Variants in KIF16B observed in about 807,000 individuals in gnomAD.
KIF16B encodes kinesin family member 16B.
In KIF16B, 98 loss-of-function variants were observed where a neutral mutation model predicts 156.3. The observed-to-expected ratio is 0.63, with a 90% CI of 0.53 to 0.74. The LOEUF is 0.74. Ranked by LOEUF, KIF16B falls within the 30% of genes least tolerant of loss-of-function variation. KIF16B has a pLI of 0.00. For missense variants in KIF16B, 1,421 were observed against 1,606.5 expected (o/e 0.88, Z 1.97); for synonymous variants, 564 against 583.7 (o/e 0.97, Z 0.49).
At chr20:16,364,462 A>C (rs952859154) in intron 22 of KIF16B, among the ~76,000 whole-genome samples, 1 of 152,184 alleles carries the variant, frequency 6.6e-6, no homozygotes, top group Non-Finnish European at 1.5e-5. Flanking sequence ...TCGTTATAGC[A>C]GGCTGAATAC....
intron 24 of KIF16B, among the ~76,000 whole-genome samples, chr20:16,332,096 G>A (rs1440731834): frequency 1.3e-5 from 2 of 152,156 alleles, no homozygotes; most frequent in African/African-American, 4.8e-5. Context: ...GATCTAGAAT[G>A]ACAGGCTACT....
Position 16,502,553 on chromosome 20 carries a change from G to A in KIF16B, c.1176+1819C>T, listed in dbSNP as rs561531781. On this transcript the variant is annotated intron_variant, in intron 10 of 25. Coordinates refer to ENST00000354981, the MANE Select transcript of KIF16B (RefSeq NM_024704.5). ...TTATATCCTCACCCCCAAAATTACA[G>A]CAACAAAAATACTCCCTTAAACACA... 2.0e-5 allele frequency among the ~76,000 whole-genome samples: 3 copies of A among 151,882 alleles called. No homozygotes were observed. The South Asian group carries it at 6.2e-4, about 32-fold the overall frequency.
At chr20:16,286,021 G>A (rs1601491554) in intron 25 of KIF16B, among the ~76,000 whole-genome samples, 1 of 152,296 alleles carries the variant, frequency 6.6e-6, no homozygotes, top group Middle Eastern at 3.4e-3. Context: ...CATTATTAAT[G>A]AACACGTAGG....
chr20:16,570,797 T>C (rs2071423566), intron 1 of KIF16B, among the ~76,000 whole-genome samples: 1 of 152,204 alleles, frequency 6.6e-6, no homozygotes, highest in Non-Finnish European at 1.5e-5. Flanking sequence ...GCTGTGCTGG[T>C]TCTCCTTTAC....
chr20:16,535,547 T>A (rs1347429495), intron 1 of KIF16B, among the ~76,000 whole-genome samples: 1 of 152,184 alleles, frequency 6.6e-6, no homozygotes, highest in Non-Finnish European at 1.5e-5. Context: ...GTGGTAAAAG[T>A]GGGTATCCTT....
intron 25 of KIF16B, among the ~76,000 whole-genome samples, chr20:16,274,054 C>T (rs1383934470): frequency 6.8e-6 from 1 of 147,718 alleles, no homozygotes; most frequent in African/African-American, 2.5e-5. Context: ...CTCCCAGTTA[C>T]TCATTAAATA....
At chr20:16,407,297 T>C (rs147989091) in intron 15 of KIF16B, among the ~76,000 whole-genome samples, 186 of 152,254 alleles carry the variant, frequency 1.2e-3, no homozygotes, top group African/African-American at 4.4e-3. Flanking sequence ...AGGTTCACTG[T>C]GTCTTCTGAA....
At chr20:16,286,293 T>C (rs1035926662) in intron 25 of KIF16B, among the ~76,000 whole-genome samples, 2 of 152,176 alleles carry the variant, frequency 1.3e-5, no homozygotes, top group African/African-American at 4.8e-5. Context: ...GGTCGAAGGG[T>C]ATGTGCCTTT....
At chr20:16,432,105 A>G (rs1051266445) in intron 12 of KIF16B, among the ~76,000 whole-genome samples, 16 of 152,098 alleles carry the variant, frequency 1.1e-4, no homozygotes, top group Non-Finnish European at 2.4e-4. Context: ...AGAGAATGGT[A>G]GGCCTTATCT....
intron 10 of KIF16B, among the ~76,000 whole-genome samples, chr20:16,502,365 T>C (rs1362817671): frequency 6.6e-6 from 1 of 152,184 alleles, no homozygotes; most frequent in East Asian, 1.9e-4. Flanking sequence ...TTTATTAAGC[T>C]TCATAAATTT....
At chr20:16,288,039 A>G (rs1160314131) in intron 25 of KIF16B, among the ~76,000 whole-genome samples, 1 of 152,206 alleles carries the variant, frequency 6.6e-6, no homozygotes, top group Non-Finnish European at 1.5e-5. Flanking sequence ...GTTTGAATCT[A>G]CATAAATGTT....
At chr20:16,537,705 T>G (rs2070029910) in intron 1 of KIF16B, among the ~76,000 whole-genome samples, 1 of 58,994 alleles carries the variant, frequency 1.7e-5, no homozygotes. Flanking sequence ...CTTTTTTTCG[T>G]TTTTTTTTTT....
At chr20:16,505,607 T>C in intron 9 of KIF16B, 115 bp downstream of exon 9, 1 of 912,558 alleles carries the variant, frequency 1.1e-6, no homozygotes, top group South Asian at 1.8e-5. Context: ...GAAAAACCAT[T>C]ACTTTTTTAA....
intron 24 of KIF16B, among the ~76,000 whole-genome samples, chr20:16,324,592 C>A (rs1043861839): frequency 6.6e-6 from 1 of 151,968 alleles, no homozygotes; most frequent in Non-Finnish European, 1.5e-5. Flanking sequence ...CATTTCTTCT[C>A]CACTGTCTAG....
chr20:16,429,994 A>T lies in KIF16B; in HGVS notation c.1303-12T>A. 4.4e-6 allele frequency: 7 copies of T among 1,593,886 alleles called. No homozygotes were observed. Among genetic ancestry groups the T allele is most frequent in the South Asian group, 3.5e-5 (3 of 85,984 alleles). On this transcript the variant is annotated splice_polypyrimidine_tract_variant and intron_variant, in intron 12 of 25. Coordinates refer to ENST00000354981, the MANE Select transcript of KIF16B (RefSeq NM_024704.5). ...GCTAGAGTTTGTTCCTGAAATTAAG[A>T]GGAAAAGAAAAAGAAAAGGTTACTT...
In KIF16B at chr20:16,379,641, C is replaced by T. The variant is rs557081303; in HGVS notation, c.2361G>A (p.Val787=). 6.8e-6 allele frequency: 11 copies of T among 1,614,150 alleles called. No homozygotes were observed. The East Asian group carries it at 2.2e-4, about 33-fold the overall frequency. Residue 787 remains valine, a synonymous_variant, in exon 19 of 26, where the codon GTG becomes GTA. Transcript: ENST00000354981. The part of the protein sequence containing the change: ...QLLRRGEVQW[V]EEEKRDLEGI... ...CTTCCAGGTCCCTCTTCTCCTCTTC[C>T]ACCCACTGTACCTCCCCACGCCGCA...
At chr20:16,409,612 T>A (rs11906365) in intron 15 of KIF16B, among the ~76,000 whole-genome samples, 16,901 of 151,922 alleles carry the variant, frequency 0.11, 1,312 homozygotes, top group East Asian at 0.23. Flanking sequence ...ATGATGGCTC[T>A]GGACTGGGGG....
At chr20:16,549,400 A>T (rs1600678055) in intron 1 of KIF16B, among the ~76,000 whole-genome samples, 1 of 151,964 alleles carries the variant, frequency 6.6e-6, no homozygotes, top group South Asian at 2.1e-4. Flanking sequence ...ATAGTATCCC[A>T]TGGTGTATAT....
At chr20:16,526,872 G>A (rs1465114912) in intron 2 of KIF16B, among the ~76,000 whole-genome samples, 1 of 152,094 alleles carries the variant, frequency 6.6e-6, no homozygotes, top group Non-Finnish European at 1.5e-5. Flanking sequence ...TTTTCCACAT[G>A]ATTCACATAT....
Sources: gnomAD v4.1 joint callset for allele counts (sites outside exome capture counted in the v4.1 genomes callset) on GRCh38, gnomAD v4.1.1 for gene constraint, MANE v1.5 for transcripts, NCBI Gene and HGNC (gene_info 2026-07-23, HGNC 2026-07-21) for gene names.